The following CMSS1 variants were observed in gnomAD, a reference collection of about 807,000 sequenced individuals.
CMSS1 encodes the protein cms1 ribosomal small subunit homolog.
In CMSS1, 33 loss-of-function variants were observed where a neutral mutation model predicts 43.5. The ratio of observed to expected loss-of-function variants is 0.76; its 90% confidence interval spans 0.57 to 1.01. CMSS1 has a LOEUF of 1.01. Among genes scored for constraint, CMSS1 ranks in the 50% least tolerant of loss-of-function variants. The probability of loss-of-function intolerance (pLI) is 0.00; values close to 1 mark genes in which losing one functional copy is unlikely to be tolerated. For missense variants in CMSS1, 313 were observed against 326.4 expected (o/e 0.96, Z 0.32); for synonymous variants, 115 against 117.2 (o/e 0.98, Z 0.12).
chr3:99,945,549 C>CA (rs1312108565), intron 1 of CMSS1, among the ~76,000 whole-genome samples: 1 of 152,154 alleles, frequency 6.6e-6, no homozygotes, highest in African/African-American at 2.4e-5. Flanking sequence ...AGGAGGGAAA[C>CA]AAAGAATCAT....
chr3:99,874,843 C>T (rs1005099974), intron 1 of CMSS1, among the ~76,000 whole-genome samples: 1 of 152,194 alleles, frequency 6.6e-6, no homozygotes, highest in South Asian at 2.1e-4. Flanking sequence ...CACACATACA[C>T]CTCAGTGGTT....
At position 99,920,496 on chromosome 3, in the gene CMSS1, G is replaced by T. The variant is rs1707091206; in HGVS notation, c.64+102453G>T. On this transcript the variant is annotated intron_variant, in intron 1 of 9. Transcript: ENST00000421999. The stretch of plus-strand genomic sequence containing the variant: ...GTAATTCAGCCAAGTACATAATTCA[G>T]GTCATTGGTGACACACGTATCCACA... Among the ~76,000 whole-genome samples the T allele has an allele frequency of 5.3e-5, 8 of 152,300 alleles. No homozygotes were observed. The South Asian group carries it at 1.7e-3, about 32-fold the overall frequency.
chr3:99,997,489 C>A (rs1452077468), intron 1 of CMSS1, among the ~76,000 whole-genome samples: 1 of 152,120 alleles, frequency 6.6e-6, no homozygotes, highest in Non-Finnish European at 1.5e-5. Context: ...CTTTCTGATA[C>A]CCCAGTGGTT....
chr3:100,149,430 G>A (rs771886052), intron 2 of CMSS1, among the ~76,000 whole-genome samples: 3 of 152,074 alleles, frequency 2.0e-5, no homozygotes, highest in Non-Finnish European at 4.4e-5. Context: ...CATGTGTTTT[G>A]TTGGTCACAT....
intron 1 of CMSS1, among the ~76,000 whole-genome samples, chr3:100,021,915 TTGTG>T (rs61704772): frequency 2.9e-3 from 305 of 105,922 alleles, no homozygotes; most frequent in East Asian, 4.9e-3. Flanking sequence ...CTAGATCCCA[TTGTG>T]TGTGTGTGTG....
chr3:100,089,213 A>G (rs2066063040), intron 1 of CMSS1, among the ~76,000 whole-genome samples: 1 of 152,170 alleles, frequency 6.6e-6, no homozygotes, highest in South Asian at 2.1e-4. Context: ...CAGTGGCTTA[A>G]AGATATGTAG....
At chr3:99,840,219 ATCT>A (rs1243147785) in intron 1 of CMSS1, among the ~76,000 whole-genome samples, 1 of 118,188 alleles carries the variant, frequency 8.5e-6, no homozygotes, top group Non-Finnish European at 1.7e-5. Context: ...AATTCGTAGA[ATCT>A]TTTTTTTTTT....
In CMSS1 at chr3:100,086,046, G is replaced by T. The variant is rs533893637; in HGVS notation, c.65-60927G>T. On this transcript the variant is annotated intron_variant, in intron 1 of 9. Transcript: ENST00000421999. ...TCTGCATTTGAATAAAATATGATTC[G>T]TGTTAGAGAGCTAAACTTGATGTTT... is the stretch of plus-strand genomic sequence containing the variant. Among the ~76,000 whole-genome samples, 6 of 152,284 alleles carry T rather than the reference G, an allele frequency of 3.9e-5. No individual in the cohort carries two copies. In the South Asian group the frequency reaches 1.0e-3, roughly 26 times the overall value.
At chr3:99,965,407 G>A (rs1448654237) in intron 1 of CMSS1, among the ~76,000 whole-genome samples, 1 of 152,212 alleles carries the variant, frequency 6.6e-6, no homozygotes, top group Non-Finnish European at 1.5e-5. Context: ...TTCTGGCGTA[G>A]TGTACTCTGT....
At chr3:99,944,146 C>T (rs1707934732) in intron 1 of CMSS1, among the ~76,000 whole-genome samples, 1 of 152,154 alleles carries the variant, frequency 6.6e-6, no homozygotes, top group South Asian at 2.1e-4. Context: ...CCTACCTCAC[C>T]AAAGGGAGGG....
chr3:99,932,551 G>T (rs1707517393), intron 1 of CMSS1, among the ~76,000 whole-genome samples: 1 of 151,702 alleles, frequency 6.6e-6, no homozygotes, highest in Non-Finnish European at 1.5e-5. Flanking sequence ...CCTTGTGTTA[G>T]GTGATAAGAA....
chr3:99,939,077 G>A (rs1181655482), intron 1 of CMSS1, among the ~76,000 whole-genome samples: 1 of 152,188 alleles, frequency 6.6e-6, no homozygotes, highest in Non-Finnish European at 1.5e-5. Flanking sequence ...TGGAAAGTGG[G>A]GATGTATGAT....
chr3:100,047,497 C>A (rs2065296069), intron 1 of CMSS1, among the ~76,000 whole-genome samples: 1 of 152,146 alleles, frequency 6.6e-6, no homozygotes, highest in Admixed American at 6.5e-5. Flanking sequence ...TTATTCATAA[C>A]CTCTGAAACC....
At chr3:100,036,176 G>A (rs2065103789) in intron 1 of CMSS1, among the ~76,000 whole-genome samples, 1 of 152,108 alleles carries the variant, frequency 6.6e-6, no homozygotes, top group Non-Finnish European at 1.5e-5. Context: ...TCCTAGCTCT[G>A]TCAACTAAAA....
At chr3:100,021,563 C>T (rs1357706711) in intron 1 of CMSS1, among the ~76,000 whole-genome samples, 1 of 152,148 alleles carries the variant, frequency 6.6e-6, no homozygotes, top group East Asian at 1.9e-4. Flanking sequence ...ATCGTGAGCT[C>T]TTGAATTTGA....
intron 1 of CMSS1, among the ~76,000 whole-genome samples, chr3:99,939,371 A>G (rs531593996): frequency 1.6e-4 from 25 of 152,232 alleles, no homozygotes; most frequent in Non-Finnish European, 3.1e-4. Context: ...TTCTTGCCAC[A>G]GTGTAGTCCT....
At chr3:99,834,948 A>G (rs793478) in intron 1 of CMSS1, among the ~76,000 whole-genome samples, 151,659 of 152,342 alleles carry the variant, frequency 1, 75,495 homozygotes, top group Middle Eastern at 1. Context: ...ATATTGTGTA[A>G]TAAAGTCCCT....
intron 1 of CMSS1, among the ~76,000 whole-genome samples, chr3:99,821,881 A>C (rs2107474560): frequency 6.6e-6 from 1 of 152,228 alleles, no homozygotes; most frequent in Middle Eastern, 3.4e-3. Flanking sequence ...ACCTGTCTCT[A>C]CTAAAAAGAC....
At chr3:99,889,321 TA>T (rs1706009727) in intron 1 of CMSS1, among the ~76,000 whole-genome samples, 1 of 152,146 alleles carries the variant, frequency 6.6e-6, no homozygotes, top group Non-Finnish European at 1.5e-5. Flanking sequence ...AATCTCTTCA[TA>T]TTATATAATA....
Sources: gnomAD v4.1 joint callset for allele counts (sites outside exome capture counted in the v4.1 genomes callset) on GRCh38, gnomAD v4.1.1 for gene constraint, MANE v1.5 for transcripts, NCBI Gene and HGNC (gene_info 2026-07-23, HGNC 2026-07-21) for gene names.